The following TMEM143 variants were observed in gnomAD, a reference collection of about 807,000 sequenced individuals.
TMEM143 encodes the protein transmembrane protein 143.
Under a neutral mutation model 40.3 loss-of-function variants are expected in TMEM143, and 45 were observed. The ratio of observed to expected loss-of-function variants is 1.12; its 90% confidence interval spans 0.88 to 1.43. TMEM143 has a LOEUF of 1.43. Among genes scored for constraint, TMEM143 ranks in the 40% most tolerant of loss-of-function variants. The pLI is 0.00. For synonymous variants in TMEM143, 299 were observed against 282.7 expected (o/e 1.06, Z -0.58); for missense variants, 620 against 613.4 (o/e 1.01, Z -0.11).
At position 48,352,249 on chromosome 19, in the gene TMEM143, A is replaced by AAAAAAAAAAAAC. The variant is rs1555887042; in HGVS notation, c.370-6896_370-6895insGTTTTTTTTTTT. On this transcript the variant is annotated intron_variant, in intron 3 of 7. Coordinates refer to ENST00000293261, the MANE Select transcript of TMEM143 (RefSeq NM_018273.4). Reference sequence around the variant, plus strand: ...GTGACAGAGTGAGACTCTGTCTCAAAAAAAAAAAAAAAACACCATATCTGC... The same window carrying AAAAAAAAAAAAC: ...GTGACAGAGTGAGACTCTGTCTCAAAAAAAAAAAAAACAAAAAAAAAAAAACACCATATCTGC... 3.4e-5 allele frequency among the ~76,000 whole-genome samples: 5 copies of AAAAAAAAAAAAC among 147,604 alleles called. 1 individual carries two copies. The highest frequency in any genetic ancestry group is 6.0e-5 in the Non-Finnish European group (4 of 66,992).
At chr19:48,351,583 C>T (rs1969775739) in intron 3 of TMEM143, among the ~76,000 whole-genome samples, 1 of 152,184 alleles carries the variant, frequency 6.6e-6, no homozygotes, top group Non-Finnish European at 1.5e-5. Context: ...GCCCCAGGTC[C>T]CCCTCCCTCT....
chr19:48,360,215 TC>T, intron 2 of TMEM143, 39 bp from the exon 3 acceptor site: 1 of 1,587,086 alleles, frequency 6.3e-7, no homozygotes, highest in Non-Finnish European at 8.6e-7. Flanking sequence ...GTAGGCCTTT[TC>T]CCCTTCCCCG....
At position 48,333,212 on chromosome 19, in the gene TMEM143, G is replaced by C. The variant is rs772414289; in HGVS notation, c.*7C>G. On this transcript the variant is annotated 3_prime_UTR_variant, in exon 8 of 8. Transcript: ENST00000293261. The surrounding 1 kb of genome is among the most constrained non-coding windows in gnomAD (Gnocchi z 4.1). The stretch of plus-strand genomic sequence containing the variant: ...GCCTGCTGACTGGGCAGGGAGGTAG[G>C]TTCTACTCAGGAGATGTTACTGCTG... 13 of 1,457,648 alleles carry C rather than the reference G, an allele frequency of 8.9e-6. No homozygotes were observed. Among genetic ancestry groups the C allele is most frequent in the South Asian group, 2.9e-5 (2 of 68,640 alleles). The allele number at this position is 1,457,648 out of a possible 1,614,324, so 90.3% of individuals were successfully genotyped here. A position where few individuals can be genotyped will look rare whatever the true frequency, so the allele number is the denominator to read the frequency against.
chr19:48,356,217 AAGTG>A, intron 3 of TMEM143, among the ~76,000 whole-genome samples: 4 of 150,492 alleles, frequency 2.7e-5, no homozygotes, highest in Admixed American at 2.0e-4. Context: ...TCCTGGGTTC[AAGTG>A]ATTCTCCTTC....
intron 6 of TMEM143, among the ~76,000 whole-genome samples, chr19:48,342,001 C>T (rs926598307): frequency 6.6e-6 from 1 of 150,962 alleles, no homozygotes; most frequent in African/African-American, 2.4e-5. Flanking sequence ...AAGAAACCCC[C>T]CTAAGGGGTG....
At chr19:48,353,341 A>T (rs1969817207) in intron 3 of TMEM143, among the ~76,000 whole-genome samples, 1 of 151,430 alleles carries the variant, frequency 6.6e-6, no homozygotes, top group Non-Finnish European at 1.5e-5. Flanking sequence ...CACCATGCCC[A>T]GCTAATTTTT....
At chr19:48,362,708 C>T (rs275839) in intron 2 of TMEM143, among the ~76,000 whole-genome samples, 114,882 of 151,990 alleles carry the variant, frequency 0.76, 43,510 homozygotes, top group Admixed American at 0.84. Flanking sequence ...AGCGAGTGCC[C>T]TACTTGCCTA....
chr19:48,359,916 T>C (rs1049963019), intron 3 of TMEM143, 156 bp downstream of exon 3: 6 of 654,186 alleles, frequency 9.2e-6, no homozygotes, highest in African/African-American at 1.8e-5. Context: ...ACTTGGAATG[T>C]TGGCTCCATG....
chr19:48,339,621 AC>A (rs1250041657), intron 6 of TMEM143, among the ~76,000 whole-genome samples: 1 of 152,086 alleles, frequency 6.6e-6, no homozygotes, highest in Admixed American at 6.6e-5. Context: ...AGATTAGGGG[AC>A]TAGGGGAGGG....
chr19:48,345,033 C>T lies in TMEM143; in HGVS notation c.564+127G>A, dbSNP rs971239823. On this transcript the variant is annotated intron_variant, in intron 4 of 7. Transcript: ENST00000293261. ...AAAAGTAGCCCCTTCTCTGAGTTCA[C>T]CAAGTGCGCCATATGGGCCACAGTC... The T allele has an allele frequency of 1.6e-5, 16 of 1,015,348 alleles. No individual in the cohort carries two copies. In the African/African-American group the frequency reaches 2.5e-4, roughly 16 times the overall value. 62.9% of individuals were successfully genotyped at this position (1,015,348 alleles called of 1,614,324 possible).
rs1038901578 is a variant in TMEM143 at position 48,337,830 on chromosome 19, G to A, written c.976-3633C>T. Among the ~76,000 whole-genome samples the A allele has an allele frequency of 3.3e-5, 5 of 152,228 alleles. No individual in the cohort carries two copies. The East Asian group carries it at 5.8e-4, about 18-fold the overall frequency. The stretch of plus-strand genomic sequence containing the variant: ...TTAGGTGCCTGCATTGGAACGAATC[G>A]CCATTTCTTCGGTTGAGGGCAAGAT... On this transcript the variant is annotated intron_variant, in intron 6 of 7. Coordinates refer to ENST00000293261, the MANE Select transcript of TMEM143 (RefSeq NM_018273.4).
At chr19:48,363,768 G>A (rs1970125686) in intron 1 of TMEM143, 130 bp downstream of exon 1, 7 of 1,502,220 alleles carry the variant, frequency 4.7e-6, no homozygotes, top group Non-Finnish European at 5.5e-6. Flanking sequence ...AGACCCTGTA[G>A]TGGTACAACG....
Position 48,333,868 on chromosome 19 carries a change from T to A in TMEM143, c.1165+140A>T. 1.1e-6 allele frequency: 1 copy of A among 874,360 alleles called. No individual in the cohort carries two copies. Among genetic ancestry groups the A allele is most frequent in the Non-Finnish European group, 1.7e-6 (1 of 590,288 alleles). The allele number at this position is 874,360 out of a possible 1,614,324, so 54.2% of individuals were successfully genotyped here. ...CAAGATCGGAGTCTGGATTCGGAGG[T>A]CCTGTCTGCTGAGGGCCGGGGTCTC... is the stretch of plus-strand genomic sequence containing the variant. On this transcript the variant is annotated intron_variant, in intron 7 of 7. Transcript: ENST00000293261. This position sits in a 1 kb window ranked among gnomAD's most constrained non-coding sequence, Gnocchi z 4.1.
At chr19:48,353,521 T>C (rs1318346688) in intron 3 of TMEM143, among the ~76,000 whole-genome samples, 1 of 151,808 alleles carries the variant, frequency 6.6e-6, no homozygotes, top group Non-Finnish European at 1.5e-5. Context: ...CTACATCCCA[T>C]GCAATATTGG....
At position 48,363,417 on chromosome 19, in the gene TMEM143, C is replaced by A; in HGVS notation, c.138G>T (p.Ser46=). ...ALLGPPRALS[S]LAAKMGEYRK... ...GATACTCCCCCATTTTGGCTGCCAG[C>A]GATGAGAGGGCCCGGGGGGGCCCGA... is the stretch of plus-strand genomic sequence containing the variant. Residue 46 remains serine (S), a synonymous_variant, in exon 2 of 8, where the codon TCG becomes TCT. Transcript: ENST00000293261. 1 of 1,614,092 alleles carries A rather than the reference C, an allele frequency of 6.2e-7. No individual in the cohort carries two copies. The highest frequency in any genetic ancestry group is 8.5e-7 in the Non-Finnish European group (1 of 1,180,016).
At chr19:48,336,423 G>T (rs562296697) in intron 6 of TMEM143, among the ~76,000 whole-genome samples, 1 of 152,260 alleles carries the variant, frequency 6.6e-6, no homozygotes, top group African/African-American at 2.4e-5. Flanking sequence ...TACTTGGGAG[G>T]CTGAGGCAGG....
Position 48,363,909 on chromosome 19 carries a change from C to A in TMEM143, c.12G>T (p.Glu4Asp). The change falls in exon 1 of 8, where the codon GAG becomes GAT. Residue 4 changes from glutamate to aspartate, a missense_variant. Physicochemically the swap from Glu to Asp is conservative, Grantham distance 45 (BLOSUM62 2). Coordinates refer to ENST00000293261, the MANE Select transcript of TMEM143 (RefSeq NM_018273.4). ...GATTTCTCCCTCACCTTAGCCAAAG[C>A]TCGACTGTCATTGAGCCTCCTGCGC... MTV[E>D]LWLRLRGKGL... 1 of 1,613,840 alleles carries A rather than the reference C, an allele frequency of 6.2e-7. No individual in the cohort carries two copies. The highest frequency in any genetic ancestry group is 1.1e-5 in the South Asian group (1 of 91,040).
chr19:48,335,798 G>A (rs1464825587), intron 6 of TMEM143, among the ~76,000 whole-genome samples: 1 of 152,144 alleles, frequency 6.6e-6, no homozygotes, highest in African/African-American at 2.4e-5. Context: ...TGAGGCTGAA[G>A]CAGGAGAATC....
intron 3 of TMEM143, among the ~76,000 whole-genome samples, chr19:48,348,035 AAAAAAG>A (rs57009847): frequency 0.017 from 2,537 of 151,050 alleles, 77 homozygotes; most frequent in African/African-American, 0.058. Flanking sequence ...CAAAAAAAAA[AAAAAAG>A]AAAAAGAGAA....
Sources: gnomAD v4.1 joint callset for allele counts (sites outside exome capture counted in the v4.1 genomes callset) on GRCh38, gnomAD v4.1.1 for gene constraint, Gnocchi (gnomAD v3.1) non-coding constraint, MANE v1.5 for transcripts, NCBI Gene and HGNC (gene_info 2026-07-23, HGNC 2026-07-21) for gene names.